Variants in RPRD1A observed in about 807,000 individuals in gnomAD.
RPRD1A encodes the protein regulation of nuclear pre-mRNA domain containing 1A.
In RPRD1A, 9 loss-of-function variants were observed where a neutral mutation model predicts 37.8. The observed-to-expected ratio is 0.24, with a 90% confidence interval of 0.14 to 0.42. The LOEUF is 0.42. Ranked by LOEUF, RPRD1A falls within the 10% of genes least tolerant of loss-of-function variation. RPRD1A has a pLI of 1.00. For synonymous variants in RPRD1A, 138 were observed against 139.7 expected (o/e 0.99, Z 0.08); for missense variants, 255 against 371.0 (o/e 0.69, Z 2.57).
At chr18:36,065,901 A>C (rs951728321) in intron 1 of RPRD1A, among the ~76,000 whole-genome samples, 18 of 152,132 alleles carry the variant, frequency 1.2e-4, no homozygotes, top group Middle Eastern at 3.4e-3. Flanking sequence ...GATTTGTAAT[A>C]GTTATTAAGA....
chr18:36,062,126 G>A (rs964713345), intron 1 of RPRD1A, among the ~76,000 whole-genome samples: 16 of 151,226 alleles, frequency 1.1e-4, no homozygotes, highest in Admixed American at 6.6e-5. Context: ...GACCATCCTG[G>A]CTAACAAGGT....
At chr18:36,054,734 T>C (rs1913641969) in intron 1 of RPRD1A, among the ~76,000 whole-genome samples, 1 of 151,728 alleles carries the variant, frequency 6.6e-6, no homozygotes. Flanking sequence ...GTAGTTCCAG[T>C]CCAAGTCCAA....
At chr18:36,005,691 A>G (rs1458614778) in intron 6 of RPRD1A, among the ~76,000 whole-genome samples, 1 of 152,222 alleles carries the variant, frequency 6.6e-6, no homozygotes, top group Non-Finnish European at 1.5e-5. Flanking sequence ...TGGCCTTGAT[A>G]GTATACAATT....
In RPRD1A at chr18:35,995,265, T is replaced by TG. The variant is rs1427967412; in HGVS notation, c.790-1966_790-1965insC. 2.7e-5 allele frequency among the ~76,000 whole-genome samples: 4 copies of TG among 148,068 alleles called. No homozygotes were observed. In the East Asian group the frequency reaches 5.8e-4, roughly 22 times the overall value. ...CCAATTTTTTTGCTTTTTTTCGTTT[T>TG]TTTTTTTTTTTTTTTGAGACGGAGT... On this transcript the variant is annotated intron_variant, in intron 6 of 6. Transcript: ENST00000399022.
intron 6 of RPRD1A, among the ~76,000 whole-genome samples, chr18:36,009,345 A>G (rs1403014390): frequency 6.6e-6 from 1 of 152,022 alleles, no homozygotes; most frequent in Non-Finnish European, 1.5e-5. Flanking sequence ...GACTCCTCAC[A>G]TTGCTACCTG....
At chr18:36,047,314 G>A (rs189179685) in intron 1 of RPRD1A, among the ~76,000 whole-genome samples, 253 of 152,100 alleles carry the variant, frequency 1.7e-3, no homozygotes, top group Admixed American at 4.2e-3. Context: ...AAATCTGTGG[G>A]GCATAGCTAA....
chr18:36,051,393 T>C (rs901938124), intron 1 of RPRD1A, among the ~76,000 whole-genome samples: 4 of 152,136 alleles, frequency 2.6e-5, no homozygotes, highest in African/African-American at 7.2e-5. Context: ...TGGAACAATA[T>C]AATAGACTAA....
intron 1 of RPRD1A, among the ~76,000 whole-genome samples, chr18:36,057,333 C>A (rs116195091): frequency 1.3e-5 from 2 of 151,492 alleles, no homozygotes; most frequent in African/African-American, 4.9e-5. Flanking sequence ...CTAGCCCAGG[C>A]TCCATGGCTC....
intron 1 of RPRD1A, among the ~76,000 whole-genome samples, chr18:36,053,129 C>T (rs1397053672): frequency 6.6e-6 from 1 of 152,034 alleles, no homozygotes; most frequent in East Asian, 1.9e-4. Flanking sequence ...TATATAAAAG[C>T]ACACAGACAC....
chr18:36,027,591 G>A, intron 4 of RPRD1A: 1 of 273,320 alleles, frequency 3.7e-6, no homozygotes, highest in Non-Finnish European at 6.9e-6. Flanking sequence ...ACTAAAATGA[G>A]GTAATGAGGA....
chr18:36,013,413 T>C (rs560275100), intron 6 of RPRD1A, among the ~76,000 whole-genome samples: 41 of 152,122 alleles, frequency 2.7e-4, no homozygotes, highest in Admixed American at 9.2e-4. Flanking sequence ...TAATAAGATT[T>C]AAGAAAAAAA....
chr18:35,995,192 A>G (rs1908954955), intron 6 of RPRD1A, among the ~76,000 whole-genome samples: 1 of 150,980 alleles, frequency 6.6e-6, no homozygotes. Flanking sequence ...ACTCACATCC[A>G]TTATCTGAAT....
Position 36,055,846 on chromosome 18 carries a change from T to G in RPRD1A, c.151+11408A>C, listed in dbSNP as rs75544052. 9.0e-3 allele frequency among the ~76,000 whole-genome samples: 1,370 copies of G among 151,936 alleles called. 11 individuals carry two copies. Among genetic ancestry groups the G allele is most frequent in the African/African-American group, 0.031 (1,296 of 41,420 alleles). ...AAAGAGTATAACAGTGCAACATGAG[T>G]GGACAGATCAATGCAACAGAATGAG... On this transcript the variant is annotated intron_variant, in intron 1 of 6. Coordinates refer to ENST00000399022, the MANE Select transcript of RPRD1A (RefSeq NM_018170.5).
At position 35,996,389 on chromosome 18, in the gene RPRD1A, T is replaced by A. The variant is rs75764086; in HGVS notation, c.790-3089A>T. Among the ~76,000 whole-genome samples, 209 of 152,320 alleles carry A rather than the reference T, an allele frequency of 1.4e-3. No individual in the cohort carries two copies. In the East Asian group the frequency reaches 0.037, roughly 27 times the overall value. On this transcript the variant is annotated intron_variant, in intron 6 of 6. Coordinates refer to ENST00000399022, the MANE Select transcript of RPRD1A (RefSeq NM_018170.5). ...CACAGGCATCATTATTCCCGTTCCA[T>A]AGATAAGAAAACTGAGGCTTTAAAA...
At chr18:36,031,755 C>T (rs1174663172) in intron 2 of RPRD1A, among the ~76,000 whole-genome samples, 3 of 152,198 alleles carry the variant, frequency 2.0e-5, no homozygotes, top group African/African-American at 7.2e-5. Context: ...CCAGCCTCTA[C>T]TCTTTTACTC....
At chr18:36,043,486 G>GA (rs1355628848) in intron 1 of RPRD1A, among the ~76,000 whole-genome samples, 7 of 152,010 alleles carry the variant, frequency 4.6e-5, no homozygotes, top group Middle Eastern at 3.4e-3. Flanking sequence ...AAATTTTTGT[G>GA]AAAAAAATAA....
intron 1 of RPRD1A, among the ~76,000 whole-genome samples, chr18:36,037,032 C>A (rs1398242094): frequency 6.6e-6 from 1 of 152,184 alleles, no homozygotes; most frequent in African/African-American, 2.4e-5. Context: ...TAAGTACAGA[C>A]TAAAATTAAC....
intron 6 of RPRD1A, among the ~76,000 whole-genome samples, chr18:35,998,130 G>C (rs971966667): frequency 6.6e-6 from 1 of 152,162 alleles, no homozygotes; most frequent in Non-Finnish European, 1.5e-5. Context: ...AGGCCAAGGC[G>C]GGCGGATCAC....
At position 36,026,673 on chromosome 18, in the gene RPRD1A, T is replaced by G. The variant is rs1911391394; in HGVS notation, c.789+227A>C. 1.8e-5 allele frequency: 7 copies of G among 386,172 alleles called. No homozygotes were observed. The East Asian group carries it at 2.9e-4, about 16-fold the overall frequency. 23.9% of individuals were successfully genotyped at this position (386,172 alleles called of 1,614,324 possible). A position where few individuals can be genotyped will look rare whatever the true frequency, so the allele number is the denominator to read the frequency against. On this transcript the variant is annotated intron_variant, in intron 6 of 6. Coordinates refer to ENST00000399022, the MANE Select transcript of RPRD1A (RefSeq NM_018170.5). ...CATGGAATTTCACAAGAATAATTTT[T>G]AAATGCAATCAATTTTGCTAATTCC...
Sources: allele counts gnomAD v4.1 joint callset (sites outside exome capture counted in the v4.1 genomes callset), GRCh38; gene constraint gnomAD v4.1.1; transcripts MANE v1.5; gene names NCBI Gene and HGNC (gene_info 2026-07-23, HGNC 2026-07-21).